The following YME1L1 variants were observed in gnomAD, a reference collection of about 807,000 sequenced individuals.
YME1L1 encodes the protein YME1 like 1 ATPase.
A neutral mutation model predicts 90.4 loss-of-function variants in YME1L1; 39 were observed. The ratio of observed to expected loss-of-function variants is 0.43; its 90% CI spans 0.33 to 0.56. YME1L1 has a LOEUF of 0.56. Ranked by LOEUF, YME1L1 falls within the 20% of genes least tolerant of loss-of-function variation. The pLI, the probability that YME1L1 is intolerant of heterozygous loss-of-function variation, is 0.03. For missense variants in YME1L1, 617 were observed against 868.4 expected (o/e 0.71, Z 3.64); for synonymous variants, 284 against 287.3 (o/e 0.99, Z 0.12).
intron 3 of YME1L1, 121 bp from the exon 4 acceptor site, chr10:27,142,606 T>C (rs2057100560): frequency 4.5e-6 from 2 of 444,050 alleles, no homozygotes; most frequent in East Asian, 7.1e-5. Flanking sequence ...CAACTTTTAT[T>C]TATCCATGAT....
chr10:27,133,272 A>G (rs894973592), intron 7 of YME1L1, among the ~76,000 whole-genome samples: 1 of 152,240 alleles, frequency 6.6e-6, no homozygotes, highest in Non-Finnish European at 1.5e-5. Flanking sequence ...ATAGGAGAGT[A>G]AAATATTTGA....
chr10:27,145,751 T>A (rs941753856), intron 2 of YME1L1, 161 bp from the exon 3 acceptor site: 13 of 612,328 alleles, frequency 2.1e-5, no homozygotes, highest in Non-Finnish European at 3.0e-5. Context: ...TTTTCACAGT[T>A]CGTTTTACTG....
At chr10:27,149,584 G>A (rs1227479000) in intron 1 of YME1L1, among the ~76,000 whole-genome samples, 7 of 151,592 alleles carry the variant, frequency 4.6e-5, no homozygotes, top group African/African-American at 9.7e-5. Flanking sequence ...GATGGTGTGC[G>A]CCTGTAGTCT....
chr10:27,147,180 G>A, intron 2 of YME1L1: 4 of 575,122 alleles, frequency 7.0e-6, no homozygotes, highest in Non-Finnish European at 1.2e-5. Flanking sequence ...CTGTCTTATA[G>A]AAGAAAATGG....
intron 8 of YME1L1, among the ~76,000 whole-genome samples, chr10:27,131,022 T>C (rs562850382): frequency 6.6e-6 from 1 of 152,260 alleles, no homozygotes; most frequent in Non-Finnish European, 1.5e-5. Context: ...CCCTATTACT[T>C]GAGAGCCTTT....
In YME1L1 at chr10:27,111,854, G is replaced by A. The variant is rs752385557; in HGVS notation, c.*123C>T. 5.5e-6 allele frequency: 7 copies of A among 1,268,088 alleles called. No homozygotes were observed. In the East Asian group the frequency reaches 9.3e-5, roughly 17 times the overall value. 78.6% of individuals were successfully genotyped at this position (1,268,088 alleles called of 1,614,324 possible). On this transcript the variant is annotated 3_prime_UTR_variant, in exon 19 of 19. Transcript: ENST00000376016. Reference sequence around the variant, plus strand: ...ATAAATGTGACAAATGATTGACAAAGCATTTCACACCCTTCAATTACACCA... The same window carrying A: ...ATAAATGTGACAAATGATTGACAAAACATTTCACACCCTTCAATTACACCA...
chr10:27,131,358 A>AATAG (rs35071168), intron 8 of YME1L1, among the ~76,000 whole-genome samples: 36,501 of 152,004 alleles, frequency 0.24, 4,895 homozygotes, highest in East Asian at 0.56. Context: ...CCTAGCACTT[A>AATAG]ATACTATTAA....
At chr10:27,133,992 A>G (rs1335849011) in intron 7 of YME1L1, 47 bp downstream of exon 7, 4 of 1,315,118 alleles carry the variant, frequency 3.0e-6, no homozygotes, top group Non-Finnish European at 4.3e-6. Context: ...GGAATCATGT[A>G]TTTAAAGGAA....
At chr10:27,116,369 A>G in intron 15 of YME1L1, 24 bp from the exon 16 acceptor site, 1 of 1,611,568 alleles carries the variant, frequency 6.2e-7, no homozygotes, top group Middle Eastern at 1.7e-4. Flanking sequence ...AATTAATCAG[A>G]TAAAAAATAA....
chr10:27,117,803 A>C lies in YME1L1; in HGVS notation c.1568-76T>G, dbSNP rs944402949. Reference sequence around the variant, plus strand: ...TCAACAAAACACATTCTTGTCTGCAAATCAAATACACTCCACCCTTCCTAT... The same window carrying C: ...TCAACAAAACACATTCTTGTCTGCACATCAAATACACTCCACCCTTCCTAT... On this transcript the variant is annotated intron_variant, in intron 14 of 18. Coordinates refer to ENST00000376016, the MANE Select transcript of YME1L1 (RefSeq NM_014263.4). The C allele has an allele frequency of 2.7e-6, 4 of 1,454,840 alleles. No individual in the cohort carries two copies. The African/African-American group carries it at 5.6e-5, about 20-fold the overall frequency. 90.1% of individuals were successfully genotyped at this position (1,454,840 alleles called of 1,614,324 possible).
chr10:27,137,853 C>T (rs1014202766), intron 4 of YME1L1, among the ~76,000 whole-genome samples: 1 of 151,886 alleles, frequency 6.6e-6, no homozygotes, highest in Non-Finnish European at 1.5e-5. Context: ...ATATTGTAAA[C>T]ATTTATTTTA....
At chr10:27,125,984 A>G (rs2056915377) in intron 9 of YME1L1, among the ~76,000 whole-genome samples, 1 of 152,084 alleles carries the variant, frequency 6.6e-6, no homozygotes, top group South Asian at 2.1e-4. Context: ...GTAATGTCCT[A>G]ATTTTAATAT....
rs1433557613 is a variant in YME1L1 at position 27,117,701 on chromosome 10, C to G, written c.1594G>C (p.Asp532His). The G allele has an allele frequency of 6.2e-7, 1 of 1,613,928 alleles. No homozygotes were observed. Among genetic ancestry groups the G allele is most frequent in the East Asian group, 2.2e-5 (1 of 44,868 alleles). ...MGPERRSVEI[D>H]NKNKTITAYH... ...GCTGTGATGGTTTTGTTTTTGTTAT[C>G]AATTTCCACACTTCTTCTTTCAGGC... Residue 532 changes from aspartate to histidine, a missense_variant, in exon 15 of 19, where the codon GAT becomes CAT. Around this residue, in one of 4 missense-constraint regions of YME1L1, gnomAD observed 212 missense variants for 330.0 expected, o/e 0.64. Transcript: ENST00000376016.
chr10:27,152,114 C>A (rs2057226710), intron 1 of YME1L1, among the ~76,000 whole-genome samples: 1 of 151,648 alleles, frequency 6.6e-6, no homozygotes, highest in Non-Finnish European at 1.5e-5. Flanking sequence ...TTCCTTACAG[C>A]CTGGGGGCAG....
Position 27,111,795 on chromosome 10 carries a change from CAATAGGTG to C in YME1L1, c.*174_*181del, listed in dbSNP as rs2056761168. On this transcript the variant is annotated 3_prime_UTR_variant, in exon 19 of 19. Transcript: ENST00000376016. ...ATATTTGCCATGGGATGCTAATTTG[CAATAGGTG>C]TCATAATGAGAATAACCCAAACTGG... 3 of 762,668 alleles carry C rather than the reference CAATAGGTG, an allele frequency of 3.9e-6. No homozygotes were observed. In the Admixed American group the frequency reaches 6.1e-5, roughly 15 times the overall value. The allele number at this position is 762,668 out of a possible 1,614,324, so 47.2% of individuals were successfully genotyped here. A position where few individuals can be genotyped will look rare whatever the true frequency, so the allele number is the denominator to read the frequency against.
intron 3 of YME1L1, among the ~76,000 whole-genome samples, chr10:27,142,844 T>C (rs1049513781): frequency 2.0e-5 from 3 of 151,990 alleles, no homozygotes; most frequent in Admixed American, 2.0e-4. Context: ...GCCTCCCAAG[T>C]AGCTGGGACT....
intron 14 of YME1L1, among the ~76,000 whole-genome samples, chr10:27,119,029 T>C (rs116706682): frequency 4.1e-4 from 62 of 152,316 alleles, no homozygotes; most frequent in African/African-American, 1.4e-3. Flanking sequence ...CTAATAAATG[T>C]GGTACACTAT....
intron 1 of YME1L1, among the ~76,000 whole-genome samples, chr10:27,151,054 T>C (rs533961686): frequency 6.6e-6 from 1 of 151,364 alleles, no homozygotes; most frequent in South Asian, 2.1e-4. Flanking sequence ...GCCTCCCGAG[T>C]AGCTGGGACT....
In YME1L1 at chr10:27,136,282, G is replaced by A. The variant is rs755875821; in HGVS notation, c.534C>T (p.Phe178=). The A allele has an allele frequency of 9.3e-6, 15 of 1,610,616 alleles. No individual in the cohort carries two copies. In the African/African-American group the frequency reaches 1.1e-4, roughly 12 times the overall value. Residue 178 remains phenylalanine, a synonymous_variant, in exon 5 of 19, where the codon TTC becomes TTT. Coordinates refer to ENST00000376016, the MANE Select transcript of YME1L1 (RefSeq NM_014263.4). ...CATAAAAAGGTCTAATTACCTTCACGAATGATGGCGCTATATTCTGTGTTT... is the reference window on the plus strand; with the variant it reads ...CATAAAAAGGTCTAATTACCTTCACAAATGATGGCGCTATATTCTGTGTTT... ...LAETQNIAPS[F]VKGFLLRDRG... is the part of the protein sequence containing the mutation.
Sources: allele counts gnomAD v4.1 joint callset (sites outside exome capture counted in the v4.1 genomes callset), GRCh38; gene constraint gnomAD v4.1.1; regional missense constraint gnomAD v4.1.1; transcripts MANE v1.5; gene names NCBI Gene and HGNC (gene_info 2026-07-23, HGNC 2026-07-21).